Variants in ZFYVE1 observed in about 807,000 individuals in gnomAD.
ZFYVE1 encodes zinc finger FYVE-type containing 1, also known as zinc finger FYVE domain-containing protein 1.
In ZFYVE1, 30 loss-of-function variants were observed where a neutral mutation model predicts 74.4. The observed-to-expected ratio is 0.40, with a 90% CI of 0.30 to 0.55. The LOEUF (loss-of-function observed/expected upper bound fraction) is 0.55, where lower values mean the gene tolerates loss of function less well. Among genes scored for constraint, ZFYVE1 ranks in the 20% least tolerant of loss-of-function variants. The pLI is 0.42. For synonymous variants in ZFYVE1, 335 were observed against 385.1 expected, an observed-to-expected ratio of 0.87 and a Z score of 1.52; for missense variants, 703 against 1,011.6, an observed-to-expected ratio of 0.69 and a Z score of 4.14.
At chr14:73,023,332 A>ATATATGTTTTATATATAATATATAT (rs1567366898) in intron 2 of ZFYVE1, among the ~76,000 whole-genome samples, 2,349 of 94,908 alleles carry the variant, frequency 0.025, 115 homozygotes, top group Middle Eastern at 0.077. Flanking sequence ...AATATATATT[A>ATATATGTTTTATATATAATATATAT]TATATGTTTT....
chr14:72,975,923 A>C lies in ZFYVE1; in HGVS notation c.1636-202T>G. ...CATAAGACTTGATGTGTAGCTGTTC[A>C]ATTCAGGACTTACTAAGCCCATATA... On this transcript the variant is annotated intron_variant, in intron 8 of 11. Transcript: ENST00000556143. The surrounding 1 kb of genome is among the most constrained non-coding windows in gnomAD (Gnocchi z 4.1). The C allele has an allele frequency of 1.6e-6, 1 of 609,000 alleles. No individual in the cohort carries two copies. Among genetic ancestry groups the C allele is most frequent in the Non-Finnish European group, 2.8e-6 (1 of 359,278 alleles). The allele number at this position is 609,000 out of a possible 1,614,324, so 37.7% of individuals were successfully genotyped here. A position where few individuals can be genotyped will look rare whatever the true frequency, so the allele number is the denominator to read the frequency against.
In ZFYVE1 at chr14:72,983,321, G is replaced by A. The variant is rs949626763; in HGVS notation, c.1204-1426C>T. On this transcript the variant is annotated intron_variant, in intron 4 of 11. Transcript: ENST00000556143. ...CATTAACTCGTCATTTACATTAGGTGTATCTCCTAATGCTATCCTTCCCCC... is the reference window on the plus strand; with the variant it reads ...CATTAACTCGTCATTTACATTAGGTATATCTCCTAATGCTATCCTTCCCCC... Among the ~76,000 whole-genome samples the A allele has an allele frequency of 5.4e-4, 81 of 150,316 alleles. 1 individual carries two copies. The highest frequency in any genetic ancestry group is 5.1e-3 in the South Asian group (24 of 4,704).
At chr14:72,998,336 A>C in intron 2 of ZFYVE1, 21 bp from the exon 3 acceptor site, 2 of 1,408,854 alleles carry the variant, frequency 1.4e-6, no homozygotes, top group Non-Finnish European at 1.9e-6. Flanking sequence ...AAAAAAAAAG[A>C]CCATGAAATA....
In ZFYVE1 at chr14:72,997,814, A is replaced by T; in HGVS notation, c.985T>A (p.Ser329Thr). Residue 329 changes from serine (S) to threonine (T), a missense_variant, in exon 3 of 12, where the codon TCT (serine) becomes ACT (threonine). This residue lies in a region of ZFYVE1 where 492 missense variants were observed against 790.0 expected (regional missense o/e 0.62). Transcript: ENST00000556143. ...HETVHTQLLG[S>T]DHPSEVPEKL... Reference sequence around the variant, plus strand: ...GACACTGTACCCCATCTCTCACCAGAGCCCAGTAGCTGGGTGTGCACGGTC... The same window carrying T: ...GACACTGTACCCCATCTCTCACCAGTGCCCAGTAGCTGGGTGTGCACGGTC... 1 of 1,584,598 alleles carries T rather than the reference A, an allele frequency of 6.3e-7. No individual in the cohort carries two copies. Among genetic ancestry groups the T allele is most frequent in the Non-Finnish European group, 8.6e-7 (1 of 1,159,382 alleles).
At chr14:72,983,004 C>T (rs904459204) in intron 4 of ZFYVE1, among the ~76,000 whole-genome samples, 1 of 152,030 alleles carries the variant, frequency 6.6e-6, no homozygotes, top group Non-Finnish European at 1.5e-5. Context: ...CCACCACACC[C>T]GGCTAATTTT....
chr14:72,982,421 G>A (rs1893359305), intron 4 of ZFYVE1, among the ~76,000 whole-genome samples: 1 of 151,898 alleles, frequency 6.6e-6, no homozygotes, highest in South Asian at 2.1e-4. Context: ...TTATTATAGT[G>A]TTTGCCAGTC....
chr14:73,025,238 T>G (rs895659863), intron 1 of ZFYVE1, among the ~76,000 whole-genome samples: 1 of 151,866 alleles, frequency 6.6e-6, no homozygotes, highest in African/African-American at 2.4e-5. Context: ...CCAGCTAATT[T>G]TTGTATTTTT....
intron 10 of ZFYVE1, 77 bp downstream of exon 10, chr14:72,974,702 A>G: frequency 6.6e-7 from 1 of 1,507,678 alleles, no homozygotes; most frequent in Non-Finnish European, 8.9e-7. Flanking sequence ...GGGCATCTGG[A>G]TATCCAGTTC....
intron 2 of ZFYVE1, among the ~76,000 whole-genome samples, chr14:73,015,820 C>T (rs182443400): frequency 6.6e-6 from 1 of 152,290 alleles, no homozygotes; most frequent in East Asian, 1.9e-4. Flanking sequence ...AAGAAGCAGT[C>T]TTGTTGGGCA....
chr14:72,988,386 G>A (rs565122625), intron 4 of ZFYVE1, among the ~76,000 whole-genome samples: 1 of 152,052 alleles, frequency 6.6e-6, no homozygotes, highest in African/African-American at 2.4e-5. Flanking sequence ...TGTTGGCCAG[G>A]CTGGTCTCGA....
At chr14:72,985,893 G>T (rs185620484) in intron 4 of ZFYVE1, among the ~76,000 whole-genome samples, 1 of 152,150 alleles carries the variant, frequency 6.6e-6, no homozygotes, top group Non-Finnish European at 1.5e-5. Flanking sequence ...GATTATAGGC[G>T]TGAGCCACTG....
chr14:73,020,549 T>C (rs905979704), intron 2 of ZFYVE1, among the ~76,000 whole-genome samples: 2 of 152,156 alleles, frequency 1.3e-5, no homozygotes, highest in African/African-American at 4.8e-5. Flanking sequence ...AGATGGAGTT[T>C]CACCATGTTG....
intron 2 of ZFYVE1, among the ~76,000 whole-genome samples, chr14:73,000,368 A>G (rs947660979): frequency 6.6e-6 from 1 of 151,968 alleles, no homozygotes; most frequent in Non-Finnish European, 1.5e-5. Context: ...TTGGGAGGCA[A>G]AAAAGAGAGG....
chr14:72,977,852 G>T, intron 8 of ZFYVE1, 75 bp downstream of exon 8: 1 of 1,444,250 alleles, frequency 6.9e-7, no homozygotes, highest in Non-Finnish European at 9.6e-7. Flanking sequence ...TTTTAAGCAG[G>T]TTCCAGTTTT....
At chr14:73,015,841 C>T (rs980425250) in intron 2 of ZFYVE1, among the ~76,000 whole-genome samples, 2 of 151,968 alleles carry the variant, frequency 1.3e-5, no homozygotes, top group Admixed American at 6.6e-5. Context: ...CGGTGGCTCA[C>T]GCCTGTACCC....
rs1327658027 is a variant in ZFYVE1, at chr14:72,974,981, A to G, written c.1807-22T>C. The G allele has an allele frequency of 2.5e-6, 4 of 1,590,088 alleles. No homozygotes were observed. The Admixed American group carries it at 6.7e-5, about 27-fold the overall frequency. ...AGCTCTGTTCCAAGCCCAAAACAAAACAGAGAGGCAGGTAGGTATGGTACA... is the reference window on the plus strand; with the variant it reads ...AGCTCTGTTCCAAGCCCAAAACAAAGCAGAGAGGCAGGTAGGTATGGTACA... On this transcript the variant is annotated intron_variant, in intron 9 of 11. Coordinates refer to ENST00000556143, the MANE Select transcript of ZFYVE1 (RefSeq NM_021260.4).
rs190488363 is a variant in ZFYVE1 at position 72,992,885 on chromosome 14, C to G, written c.1203+258G>C. 4.6e-5 allele frequency among the ~76,000 whole-genome samples: 7 copies of G among 152,254 alleles called. No homozygotes were observed. In the East Asian group the frequency reaches 1.2e-3, roughly 25 times the overall value. On this transcript the variant is annotated intron_variant, in intron 4 of 11. Coordinates refer to ENST00000556143, the MANE Select transcript of ZFYVE1 (RefSeq NM_021260.4). Reference sequence around the variant, plus strand: ...ACTCACCAGGGCTGAGCCACACCAGCCAGAAATGAGTGCCTGGTTTTTCTC... The same window carrying G: ...ACTCACCAGGGCTGAGCCACACCAGGCAGAAATGAGTGCCTGGTTTTTCTC...
chr14:72,974,551 C>A (rs1893116245), intron 10 of ZFYVE1, among the ~76,000 whole-genome samples: 1 of 152,194 alleles, frequency 6.6e-6, no homozygotes, highest in Admixed American at 6.5e-5. Context: ...GCATTCCCTT[C>A]CCCCAGAAGC....
At chr14:72,996,597 C>T (rs1458157193) in intron 3 of ZFYVE1, among the ~76,000 whole-genome samples, 1 of 152,144 alleles carries the variant, frequency 6.6e-6, no homozygotes, top group Non-Finnish European at 1.5e-5. Flanking sequence ...TTCCTTGAAG[C>T]TACTAGGAGT....
Sources: gnomAD v4.1 joint callset for allele counts (sites outside exome capture counted in the v4.1 genomes callset) on GRCh38, gnomAD v4.1.1 for gene constraint, gnomAD v4.1.1 regional missense constraint, Gnocchi (gnomAD v3.1) non-coding constraint, MANE v1.5 for transcripts, NCBI Gene and HGNC (gene_info 2026-07-23, HGNC 2026-07-21) for gene names.